RASSF4: variants seen among roughly 807,000 people sequenced by gnomAD.
RASSF4 encodes the protein ras association domain-containing protein 4.
In RASSF4, 38 loss-of-function variants were observed where a neutral mutation model predicts 41.1. The ratio of observed to expected loss-of-function variants is 0.92; its 90% CI spans 0.71 to 1.21. The LOEUF is 1.21. Among genes scored for constraint, RASSF4 ranks in the 50% most tolerant of loss-of-function variants. The pLI is 0.00. For synonymous variants in RASSF4, 179 were observed against 163.4 expected (o/e 1.10, Z -0.73); for missense variants, 414 against 419.4 (o/e 0.99, Z 0.11).
intron 6 of RASSF4, among the ~76,000 whole-genome samples, chr10:44,986,522 C>T (rs1841926648): frequency 6.6e-6 from 1 of 152,228 alleles, no homozygotes; most frequent in Non-Finnish European, 1.5e-5. Context: ...GACAGATTTG[C>T]CCTTGCAATG....
intron 3 of RASSF4, among the ~76,000 whole-genome samples, chr10:44,975,578 T>G (rs1841387518): frequency 8.4e-6 from 1 of 118,524 alleles, no homozygotes; most frequent in Non-Finnish European, 1.8e-5. Context: ...CTACCTCCCT[T>G]TCCACTCTCC....
rs550994318 is a variant in RASSF4, at chr10:44,993,474, C to T, written c.*145C>T. On this transcript the variant is annotated 3_prime_UTR_variant, in exon 11 of 11. Transcript: ENST00000340258. ...TGTGTCTACCTCTCTGAAGCCTGAG[C>T]ACCATGATTCCCACAGCCAGCTCTT... 5 of 649,378 alleles carry T rather than the reference C, an allele frequency of 7.7e-6. No homozygotes were observed. Among genetic ancestry groups the T allele is most frequent in the Middle Eastern group, 2.5e-4 (1 of 3,968 alleles). 40.2% of individuals were successfully genotyped at this position (649,378 alleles called of 1,614,324 possible).
chr10:44,965,294 C>A (rs996571451), intron 1 of RASSF4, among the ~76,000 whole-genome samples: 1 of 152,090 alleles, frequency 6.6e-6, no homozygotes, highest in African/African-American at 2.4e-5. Flanking sequence ...GTAGATGAAG[C>A]CTCCCTCAAA....
chr10:44,990,469 T>C (rs1456340381), intron 8 of RASSF4: 2 of 156,350 alleles, frequency 1.3e-5, no homozygotes, highest in Non-Finnish European at 2.8e-5. Context: ...GAGAAGGGCC[T>C]GAGTTTCTGG....
At chr10:44,962,781 A>G (rs1299042526) in intron 1 of RASSF4, among the ~76,000 whole-genome samples, 2 of 152,216 alleles carry the variant, frequency 1.3e-5, no homozygotes, top group East Asian at 3.8e-4. Context: ...GGAGTGGTTC[A>G]GGGGGTTCCA....
chr10:44,978,364 C>A lies in RASSF4; in HGVS notation c.139-4157C>A, dbSNP rs75888396. 2.8e-3 allele frequency: 743 copies of A among 267,528 alleles called. 7 individuals carry two copies. Among genetic ancestry groups the A allele is most frequent in the African/African-American group, 0.015 (690 of 44,612 alleles). The allele number at this position is 267,528 out of a possible 1,614,324, so 16.6% of individuals were successfully genotyped here. ...GATCGGCCACGCACTGACCATGGGA[C>A]CTTTGGCAAGGCCACCTCTCCAGGC... On this transcript the variant is annotated intron_variant, in intron 3 of 10. Transcript: ENST00000340258.
At chr10:44,990,919 T>G (rs774693185) in intron 8 of RASSF4, 29 bp from the exon 9 acceptor site, 1 of 1,606,294 alleles carries the variant, frequency 6.2e-7, no homozygotes, top group Non-Finnish European at 8.5e-7. Context: ...TAATCTCCCG[T>G]GATTTTTGTA....
chr10:44,977,297 T>A, intron 3 of RASSF4: 1 of 1,465,120 alleles, frequency 6.8e-7, no homozygotes, highest in Non-Finnish European at 9.1e-7. Context: ...GCATTTCCCT[T>A]TCAGAGACCT....
rs936595573 is a variant in RASSF4 at position 44,992,119 on chromosome 10, C to T, written c.905+117C>T. ...CTCCATGGGCACCAGTACCCTGGTA[C>T]GGGAAGGCCTGCTAACCCTAGCTCC... is the stretch of plus-strand genomic sequence containing the variant. On this transcript the variant is annotated intron_variant, in intron 10 of 10. Transcript: ENST00000340258. The T allele has an allele frequency of 4.0e-5, 26 of 656,270 alleles. No individual in the cohort carries two copies. The South Asian group carries it at 4.0e-4, about 10-fold the overall frequency. The allele number at this position is 656,270 out of a possible 1,614,324, so 40.7% of individuals were successfully genotyped here.
chr10:44,970,497 C>T (rs1841107347), intron 2 of RASSF4: 4 of 555,184 alleles, frequency 7.2e-6, no homozygotes. Context: ...AGATGGCAGG[C>T]ACTTTATACG....
At chr10:44,961,305 G>A (rs1024513147) in intron 1 of RASSF4, among the ~76,000 whole-genome samples, 3 of 152,240 alleles carry the variant, frequency 2.0e-5, no homozygotes, top group Admixed American at 1.3e-4. Context: ...CCTGGAGGTC[G>A]AGAACAGAAT....
At chr10:44,985,444 G>A (rs1385733607) in intron 6 of RASSF4, among the ~76,000 whole-genome samples, 1 of 152,254 alleles carries the variant, frequency 6.6e-6, no homozygotes, top group Non-Finnish European at 1.5e-5. Context: ...CTCAGGAAAA[G>A]CTTTCTTTCC....
intron 3 of RASSF4, chr10:44,981,198 A>G (rs1174452913): frequency 6.6e-6 from 1 of 152,062 alleles, no homozygotes; most frequent in Non-Finnish European, 1.5e-5. Flanking sequence ...ACGAGGAGAG[A>G]GAAATGGGAT....
intron 2 of RASSF4, chr10:44,971,216 G>A (rs1331847343): frequency 6.2e-6 from 2 of 324,232 alleles, no homozygotes; most frequent in South Asian, 2.4e-5. Flanking sequence ...CTTTCCCTTC[G>A]GGAAGGGAGA....
intron 5 of RASSF4, 53 bp from the exon 6 acceptor site, chr10:44,984,760 T>C (rs1236539414): frequency 3.1e-6 from 5 of 1,595,734 alleles, no homozygotes; most frequent in Non-Finnish European, 4.3e-6. Flanking sequence ...CAGCAGGCAG[T>C]TGCTCTGTCA....
intron 4 of RASSF4, chr10:44,983,121 C>G: frequency 2.7e-6 from 1 of 375,416 alleles, no homozygotes; most frequent in Non-Finnish European, 5.3e-6. Flanking sequence ...ATGTTTCTGT[C>G]AGGAGGAAAT....
In RASSF4 at chr10:44,984,920, C is replaced by A. The variant is rs137923619; in HGVS notation, c.481C>A (p.Arg161Ser). 7 of 1,613,216 alleles carry A rather than the reference C, an allele frequency of 4.3e-6. No individual in the cohort carries two copies. Among genetic ancestry groups the A allele is most frequent in the Admixed American group, 1.7e-5 (1 of 60,012 alleles). Residue 161 changes from arginine (R) to serine (S), a missense_variant, in exon 6 of 11, where the codon CGC becomes AGC. Arg to Ser is a moderately radical substitution (Grantham distance 110). Coordinates refer to ENST00000340258, the MANE Select transcript of RASSF4 (RefSeq NM_032023.4). ...GTGCCGCGCCCCCGGTGAGGCCCAG[C>A]GCATCCGGCGACACCGGTTCTCTAT... Reference protein sequence around the residue: ...PKCRAPGEAQRIRRHRFSING... With the variant: ...PKCRAPGEAQSIRRHRFSING...
At chr10:44,983,907 G>A (rs1436364168) in intron 4 of RASSF4, 115 bp from the exon 5 acceptor site, 2 of 1,532,800 alleles carry the variant, frequency 1.3e-6, no homozygotes, top group Non-Finnish European at 1.8e-6. Context: ...CCTCACCTCA[G>A]CCTGCCTTGC....
chr10:44,992,968 G>T (rs924184446), intron 10 of RASSF4, among the ~76,000 whole-genome samples: 5 of 152,184 alleles, frequency 3.3e-5, no homozygotes, highest in African/African-American at 1.2e-4. Context: ...GCAGAATCTG[G>T]GCTGAAACAT....
Sources: allele counts gnomAD v4.1 joint callset (sites outside exome capture counted in the v4.1 genomes callset), GRCh38; gene constraint gnomAD v4.1.1; transcripts MANE v1.5; gene names NCBI Gene and HGNC (gene_info 2026-07-23, HGNC 2026-07-21).